The following CSGALNACT1 variants were observed in gnomAD, a reference collection of about 807,000 sequenced individuals.
CSGALNACT1 encodes chondroitin sulfate N-acetylgalactosaminyltransferase 1, also known as beta4GalNAcT-1.
Under a neutral mutation model 51.0 loss-of-function variants are expected in CSGALNACT1, and 52 were observed. That is an observed-to-expected ratio of 1.02 (90% CI 0.82 to 1.29). The LOEUF is 1.29. CSGALNACT1 is among the 50% of genes most tolerant of loss of function. The pLI is 0.00. For synonymous variants in CSGALNACT1, 341 were observed against 254.4 expected, an observed-to-expected ratio of 1.34 and a Z score of -3.24; for missense variants, 935 against 679.2, an observed-to-expected ratio of 1.38 and a Z score of -4.19.
intron 1 of CSGALNACT1, among the ~76,000 whole-genome samples, chr8:19,615,553 T>C (rs189181267): frequency 5.3e-5 from 8 of 152,314 alleles, no homozygotes; most frequent in African/African-American, 1.7e-4. Context: ...ATAAGCCATA[T>C]AACTAAAGCA....
chr8:19,627,037 C>T (rs183865153), intron 1 of CSGALNACT1, among the ~76,000 whole-genome samples: 1 of 152,198 alleles, frequency 6.6e-6, no homozygotes, highest in Non-Finnish European at 1.5e-5. Flanking sequence ...TATGACTCAG[C>T]AGTCATACCC....
At chr8:19,529,385 C>G (rs958830769) in intron 3 of CSGALNACT1, among the ~76,000 whole-genome samples, 3 of 152,140 alleles carry the variant, frequency 2.0e-5, no homozygotes, top group Non-Finnish European at 4.4e-5. Flanking sequence ...TTGACCACTA[C>G]TGGGCATCAG....
intron 3 of CSGALNACT1, among the ~76,000 whole-genome samples, chr8:19,510,300 C>CT (rs1314025580): frequency 2.0e-5 from 3 of 152,170 alleles, no homozygotes; most frequent in Non-Finnish European, 2.9e-5. Flanking sequence ...GAGAAGGCTT[C>CT]TTCATGGTCT....
chr8:19,640,211 C>A (rs1388077557), intron 1 of CSGALNACT1, among the ~76,000 whole-genome samples: 1 of 152,166 alleles, frequency 6.6e-6, no homozygotes, highest in Non-Finnish European at 1.5e-5. Context: ...CACTTGCCAG[C>A]CACACATCAG....
At chr8:19,546,230 T>C (rs2086432653) in intron 3 of CSGALNACT1, among the ~76,000 whole-genome samples, 2 of 152,216 alleles carry the variant, frequency 1.3e-5, no homozygotes, top group South Asian at 4.1e-4. Context: ...GTCAAGTATA[T>C]AAATACATAA....
At chr8:19,713,035 C>T (rs564020997) in intron 1 of CSGALNACT1, among the ~76,000 whole-genome samples, 1 of 152,240 alleles carries the variant, frequency 6.6e-6, no homozygotes. Flanking sequence ...TTCCTCCCAT[C>T]TTTCCAGTGC....
At chr8:19,752,571 C>T (rs1416648593) in intron 1 of CSGALNACT1, among the ~76,000 whole-genome samples, 2 of 152,164 alleles carry the variant, frequency 1.3e-5, no homozygotes, top group African/African-American at 4.8e-5. Context: ...AATAGATGAA[C>T]ATACCACAAA....
intron 3 of CSGALNACT1, among the ~76,000 whole-genome samples, chr8:19,514,054 TGA>T (rs2154020498): frequency 6.6e-6 from 1 of 152,274 alleles, no homozygotes; most frequent in East Asian, 1.9e-4. Flanking sequence ...TTTTTTCCAT[TGA>T]GACTTTCATT....
chr8:19,463,792 C>A (rs1051610146), intron 4 of CSGALNACT1, among the ~76,000 whole-genome samples: 4 of 152,198 alleles, frequency 2.6e-5, no homozygotes, highest in African/African-American at 9.7e-5. Context: ...TGTAATTACT[C>A]CTTGTGCAAG....
intron 3 of CSGALNACT1, among the ~76,000 whole-genome samples, chr8:19,547,543 A>G (rs1233528469): frequency 6.6e-6 from 1 of 151,940 alleles, no homozygotes; most frequent in Admixed American, 6.6e-5. Context: ...GTTTCTTTGC[A>G]CTTGCCTGTC....
upstream of CSGALNACT1, among the ~76,000 whole-genome samples, chr8:19,687,430 G>C (rs906215217): frequency 2.0e-5 from 3 of 152,066 alleles, no homozygotes; most frequent in African/African-American, 7.2e-5. Flanking sequence ...TTATATATGT[G>C]CATATCACAA....
chr8:19,605,341 C>A (rs1464153467), upstream of CSGALNACT1, among the ~76,000 whole-genome samples: 3 of 152,176 alleles, frequency 2.0e-5, no homozygotes, highest in Admixed American at 2.0e-4. Flanking sequence ...GAGACTGAGG[C>A]ATGAGAATGA....
At chr8:19,635,759 GCT>G (rs1410604393) in intron 1 of CSGALNACT1, among the ~76,000 whole-genome samples, 3 of 152,096 alleles carry the variant, frequency 2.0e-5, no homozygotes, top group Admixed American at 6.5e-5. Context: ...ACGGAGTCTT[GCT>G]CTGTTGCCCA....
intron 1 of CSGALNACT1, among the ~76,000 whole-genome samples, chr8:19,691,270 A>G (rs1195134358): frequency 6.6e-6 from 1 of 152,176 alleles, no homozygotes; most frequent in East Asian, 1.9e-4. Context: ...AGTTCCCCAT[A>G]AATTTCAGCC....
At chr8:19,505,794 C>G (rs754768298) in exon 4 of CSGALNACT1, 6 of 1,613,730 alleles carry the variant, frequency 3.7e-6, no homozygotes, top group South Asian at 1.1e-5. Context: ...AACCACCACC[C>G]GGGAAATCCA....
At chr8:19,517,549 T>G (rs1359393232) in intron 3 of CSGALNACT1, among the ~76,000 whole-genome samples, 1 of 152,186 alleles carries the variant, frequency 6.6e-6, no homozygotes, top group Admixed American at 6.5e-5. Context: ...ATACTGCTGA[T>G]AAAGACGTGC....
chr8:19,664,384 G>C (rs1377012404), intron 1 of CSGALNACT1, among the ~76,000 whole-genome samples: 1 of 152,154 alleles, frequency 6.6e-6, no homozygotes, highest in East Asian at 1.9e-4. Context: ...TATACTGCTG[G>C]TGGGAATGTA....
At chr8:19,755,456 C>CAAGAAAAAAAAAAAA (rs2065299188) in intron 1 of CSGALNACT1, among the ~76,000 whole-genome samples, 1 of 74,532 alleles carries the variant, frequency 1.3e-5, no homozygotes, top group Non-Finnish European at 2.5e-5. Context: ...TAAAGAAAGA[C>CAAGAAAAAAAAAAAA]AAAAAAAAAA....
intron 4 of CSGALNACT1, among the ~76,000 whole-genome samples, chr8:19,460,338 T>C (rs2065086101): frequency 6.6e-6 from 1 of 152,230 alleles, no homozygotes; most frequent in African/African-American, 2.4e-5. Context: ...TCTTTTGTTA[T>C]TGGTTATTGT....
Sources: gnomAD v4.1 joint callset for allele counts (sites outside exome capture counted in the v4.1 genomes callset) on GRCh38, gnomAD v4.1.1 for gene constraint, MANE v1.5 for transcripts, NCBI Gene and HGNC (gene_info 2026-07-23, HGNC 2026-07-21) for gene names.